TEF: variants seen among roughly 807,000 people sequenced by gnomAD.
The protein encoded by TEF is thyrotroph embryonic factor.
Under a neutral mutation model 20.8 loss-of-function variants are expected in TEF, and 3 were observed. That is an observed-to-expected ratio of 0.14 (90% CI 0.07 to 0.37). The LOEUF (loss-of-function observed/expected upper bound fraction) is 0.37, where lower values mean the gene tolerates loss of function less well. Among genes scored for constraint, TEF ranks in the 10% least tolerant of loss-of-function variants. The probability of loss-of-function intolerance (pLI) is 1.00; values close to 1 mark genes in which losing one functional copy is unlikely to be tolerated. For synonymous variants in TEF, 180 were observed against 171.1 expected, an observed-to-expected ratio of 1.05 and a Z score of -0.41; for missense variants, 296 against 397.9, an observed-to-expected ratio of 0.74 and a Z score of 2.18.
chr22:41,387,749 T>C, intron 2 of TEF, 81 bp downstream of exon 2: 1 of 1,403,966 alleles, frequency 7.1e-7, no homozygotes, highest in Non-Finnish European at 9.7e-7. Context: ...TGTGTCCATG[T>C]ACCCAGTGAG....
chr22:41,395,658 G>T (rs1411751360), intron 3 of TEF, 87 bp from the exon 4 acceptor site: 1 of 1,358,840 alleles, frequency 7.4e-7, no homozygotes. Context: ...CACCAGATGA[G>T]TTAGGGGAAT....
At chr22:41,370,391 G>A (rs2036869751) in intron 1 of TEF, among the ~76,000 whole-genome samples, 2 of 149,218 alleles carry the variant, frequency 1.3e-5, no homozygotes, top group South Asian at 2.1e-4. Flanking sequence ...GGGATTACAG[G>A]TGTAAACCAC....
chr22:41,378,471 G>A (rs1456801418), upstream of TEF, among the ~76,000 whole-genome samples: 2 of 151,060 alleles, frequency 1.3e-5, no homozygotes, highest in African/African-American at 2.4e-5. Flanking sequence ...TCAACCTCCC[G>A]AGTTGCTGGG....
chr22:41,368,043 T>C (rs1256583841), intron 1 of TEF, among the ~76,000 whole-genome samples: 1 of 152,162 alleles, frequency 6.6e-6, no homozygotes, highest in African/African-American at 2.4e-5. Context: ...AGCTCCCGCT[T>C]GCCGGAGGGC....
rs559840207 is a variant in TEF at position 41,394,381 on chromosome 22, C to T, written c.696+65C>T. The T allele has an allele frequency of 4.1e-6, 6 of 1,457,062 alleles. No individual in the cohort carries two copies. The Admixed American group carries it at 8.6e-5, about 21-fold the overall frequency. 90.3% of individuals were successfully genotyped at this position (1,457,062 alleles called of 1,614,324 possible). ...TTCAAGGGCCTAGGGGATATGGCTC[C>T]TCGCATTTGATTTTATCTGGAGAGC... On this transcript the variant is annotated intron_variant, in intron 3 of 3. Transcript: ENST00000266304.
In TEF at chr22:41,397,735, C is replaced by A. The variant is rs2037247463; in HGVS notation, c.*1775C>A. The A allele has an allele frequency of 6.6e-6, 1 of 152,234 alleles. No individual in the cohort carries two copies. Among genetic ancestry groups the A allele is most frequent in the South Asian group, 2.1e-4 (1 of 4,832 alleles). The allele number at this position is 152,234 out of a possible 1,614,324, so 9.4% of individuals were successfully genotyped here. On this transcript the variant is annotated 3_prime_UTR_variant, in exon 4 of 4. Coordinates refer to ENST00000266304, the MANE Select transcript of TEF (RefSeq NM_003216.4). ...ACACTTTCACTCTATTGTAACCACA[C>A]AGGGCAGGCGCATCCAGCATGTCAG...
At chr22:41,391,021 G>A (rs1725028608) in intron 2 of TEF, among the ~76,000 whole-genome samples, 1 of 152,122 alleles carries the variant, frequency 6.6e-6, no homozygotes, top group Non-Finnish European at 1.5e-5. Flanking sequence ...TACCTGAGCT[G>A]CTTGTCTTGC....
At chr22:41,379,469 T>G (rs1428148301), upstream of TEF, among the ~76,000 whole-genome samples, 1 of 151,872 alleles carries the variant, frequency 6.6e-6, no homozygotes, top group East Asian at 1.9e-4. Flanking sequence ...ATCCCGCCAT[T>G]GCACTCCAGC....
chr22:41,396,366 T>C lies in TEF; in HGVS notation c.*406T>C, dbSNP rs1367397256. 6 of 185,234 alleles carry C rather than the reference T, an allele frequency of 3.2e-5. No individual in the cohort carries two copies. The highest frequency in any genetic ancestry group is 1.4e-4 in the South Asian group (1 of 7,386). 11.5% of individuals were successfully genotyped at this position (185,234 alleles called of 1,614,324 possible). On this transcript the variant is annotated 3_prime_UTR_variant, in exon 4 of 4. Coordinates refer to ENST00000266304, the MANE Select transcript of TEF (RefSeq NM_003216.4). ...ATGAGTTGTGATCATTGTCACCCTA[T>C]GTCTTCTCAGGTAGCAGGGCGCGTT...
rs2145997227 is a variant in TEF, at chr22:41,399,021, A to T, written c.*3061A>T. The T allele has an allele frequency of 6.5e-6, 1 of 152,772 alleles. No individual in the cohort carries two copies. The highest frequency in any genetic ancestry group is 2.1e-4 in the South Asian group (1 of 4,826). The allele number at this position is 152,772 out of a possible 1,614,324, so 9.5% of individuals were successfully genotyped here. On this transcript the variant is annotated 3_prime_UTR_variant, in exon 4 of 4. Transcript: ENST00000266304. ...ATATTGCTCTCTTACGGTGTTGGGG[A>T]TGCCAGAACACCACTTGGTTTTATT...
At chr22:41,373,902 T>G (rs2036911081) in intron 1 of TEF, among the ~76,000 whole-genome samples, 1 of 151,590 alleles carries the variant, frequency 6.6e-6, no homozygotes, top group South Asian at 2.1e-4. Flanking sequence ...TAGCTGAGAC[T>G]ACAGGCGCAT....
intron 1 of TEF, among the ~76,000 whole-genome samples, chr22:41,383,633 A>G (rs1381645426): frequency 6.6e-6 from 1 of 152,182 alleles, no homozygotes; most frequent in Non-Finnish European, 1.5e-5. Context: ...TGCTCTTTCT[A>G]CTGTATCATG....
At chr22:41,391,703 A>G (rs568402896) in intron 2 of TEF, among the ~76,000 whole-genome samples, 14 of 151,798 alleles carry the variant, frequency 9.2e-5, no homozygotes, top group Admixed American at 2.0e-4. Context: ...GCTCACTGCA[A>G]TCTCTGCCTA....
At chr22:41,371,600 C>T (rs771861632) in intron 1 of TEF, among the ~76,000 whole-genome samples, 46 of 152,208 alleles carry the variant, frequency 3.0e-4, no homozygotes, top group South Asian at 6.2e-4. Context: ...GTCTGCAAAC[C>T]GTGAGATGCT....
At position 41,397,305 on chromosome 22, in the gene TEF, C is replaced by A. The variant is rs780582344; in HGVS notation, c.*1345C>A. 2.3e-5 allele frequency: 9 copies of A among 392,696 alleles called. No homozygotes were observed. The highest frequency in any genetic ancestry group is 4.0e-5 in the Non-Finnish European group (9 of 222,640). 24.3% of individuals were successfully genotyped at this position (392,696 alleles called of 1,614,324 possible). A position where few individuals can be genotyped will look rare whatever the true frequency, so the allele number is the denominator to read the frequency against. ...ACAACGACTCCTTTCTCTTGTGTGGCGGGACTCGCCCTTTTGCTGTGCTCA... is the reference window on the plus strand; with the variant it reads ...ACAACGACTCCTTTCTCTTGTGTGGAGGGACTCGCCCTTTTGCTGTGCTCA... On this transcript the variant is annotated 3_prime_UTR_variant, in exon 4 of 4. Transcript: ENST00000266304.
At chr22:41,394,461 A>G (rs1430587871) in intron 3 of TEF, 145 bp downstream of exon 3, 4 of 797,404 alleles carry the variant, frequency 5.0e-6, no homozygotes, top group Non-Finnish European at 7.8e-6. Context: ...TTAAAGCCAT[A>G]TCCTTCAGCA....
rs1483937416 is a variant in TEF at position 41,396,485 on chromosome 22, G to T, written c.*525G>T. The stretch of plus-strand genomic sequence containing the variant: ...TCTTCCTTGGAAGCAGGACACACCA[G>T]CTCCTCCGTCAGTGTCTGCATGGGT... On this transcript the variant is annotated 3_prime_UTR_variant, in exon 4 of 4. Transcript: ENST00000266304. 1 of 165,362 alleles carries T rather than the reference G, an allele frequency of 6.0e-6. No homozygotes were observed. Among genetic ancestry groups the T allele is most frequent in the Non-Finnish European group, 1.3e-5 (1 of 77,152 alleles). The allele number at this position is 165,362 out of a possible 1,614,324, so 10.2% of individuals were successfully genotyped here. A position where few individuals can be genotyped will look rare whatever the true frequency, so the allele number is the denominator to read the frequency against.
At chr22:41,370,562 G>A (rs983275248) in intron 1 of TEF, among the ~76,000 whole-genome samples, 2 of 151,568 alleles carry the variant, frequency 1.3e-5, no homozygotes, top group African/African-American at 2.4e-5. Context: ...ACAGGCACCC[G>A]CCACCACGCC....
chr22:41,394,327 A>T lies in TEF; in HGVS notation c.696+11A>T, dbSNP rs1346792724. The stretch of plus-strand genomic sequence containing the variant: ...CCCGACGAGCAGAAGGTAACCTGGT[A>T]TTCCTTATAAATAAAGATGCAGCGT... On this transcript the variant is annotated intron_variant, in intron 3 of 3. Transcript: ENST00000266304. 1.2e-6 allele frequency: 2 copies of T among 1,610,694 alleles called. No individual in the cohort carries two copies. Among genetic ancestry groups the T allele is most frequent in the African/African-American group, 2.7e-5 (2 of 74,818 alleles).
Sources: gnomAD v4.1 joint callset for allele counts (sites outside exome capture counted in the v4.1 genomes callset) on GRCh38, gnomAD v4.1.1 for gene constraint, MANE v1.5 for transcripts, NCBI Gene and HGNC (gene_info 2026-07-23, HGNC 2026-07-21) for gene names.